The following RPGRIP1L variants were observed in gnomAD, a reference collection of about 807,000 sequenced individuals.
The protein encoded by RPGRIP1L is RPGRIP1 like, also known as protein fantom.
A neutral mutation model predicts 160.4 loss-of-function variants in RPGRIP1L; 131 were observed. That is an observed-to-expected ratio of 0.82 (90% CI 0.71 to 0.94). RPGRIP1L has a LOEUF of 0.94. Ranked by LOEUF, RPGRIP1L falls within the 40% of genes least tolerant of loss-of-function variation. The pLI is 0.00. For synonymous variants in RPGRIP1L, 510 were observed against 515.8 expected, an observed-to-expected ratio of 0.99 and a Z score of 0.15; for missense variants, 1,522 against 1,535.8, an observed-to-expected ratio of 0.99 and a Z score of 0.15.
At chr16:53,657,749 A>G in intron 12 of RPGRIP1L, 117 bp from the exon 13 acceptor site, 3 of 652,208 alleles carry the variant, frequency 4.6e-6, no homozygotes, top group Non-Finnish European at 7.8e-6. Context: ...AATTTCATTA[A>G]TTGAAAACAG....
chr16:53,699,652 A>G (rs902575108), intron 2 of RPGRIP1L, among the ~76,000 whole-genome samples: 6 of 152,074 alleles, frequency 3.9e-5, no homozygotes, highest in African/African-American at 1.4e-4. Context: ...CTAACAATAA[A>G]ATCTGTGTAG....
intron 4 of RPGRIP1L, among the ~76,000 whole-genome samples, chr16:53,691,047 A>G (rs1177141264): frequency 6.6e-6 from 1 of 151,430 alleles, no homozygotes; most frequent in Non-Finnish European, 1.5e-5. Flanking sequence ...TAGTGCTAAC[A>G]TTTTGGCTTC....
At chr16:53,626,215 A>C (rs1598266650) in intron 22 of RPGRIP1L, among the ~76,000 whole-genome samples, 1 of 152,146 alleles carries the variant, frequency 6.6e-6, no homozygotes, top group South Asian at 2.1e-4. Context: ...GATGTCCTAA[A>C]TAATATACTG....
chr16:53,611,948 A>G (rs910614877), intron 24 of RPGRIP1L, among the ~76,000 whole-genome samples: 2 of 152,228 alleles, frequency 1.3e-5, no homozygotes, highest in Admixed American at 1.3e-4. Context: ...AATGGGTGAA[A>G]GATATCACGA....
chr16:53,665,051 G>A, intron 9 of RPGRIP1L, 42 bp from the exon 10 acceptor site: 4 of 1,611,284 alleles, frequency 2.5e-6, no homozygotes, highest in Non-Finnish European at 3.4e-6. Context: ...TTGGAAATCA[G>A]CTTCAACCGA....
chr16:53,643,221 T>C (rs994510126), intron 17 of RPGRIP1L, among the ~76,000 whole-genome samples: 37 of 151,112 alleles, frequency 2.4e-4, no homozygotes, highest in African/African-American at 9.0e-4. Flanking sequence ...GGCAGGAGAA[T>C]TGCTAGAACG....
intron 22 of RPGRIP1L, among the ~76,000 whole-genome samples, chr16:53,631,113 C>T (rs1029977649): frequency 1.3e-5 from 2 of 152,132 alleles, no homozygotes; most frequent in African/African-American, 2.4e-5. Context: ...TTATTTTATC[C>T]ACTGATAAGA....
intron 9 of RPGRIP1L, 106 bp from the exon 10 acceptor site, chr16:53,665,115 T>C (rs901895910): frequency 7.3e-7 from 1 of 1,378,938 alleles, no homozygotes; most frequent in Non-Finnish European, 1.0e-6. Flanking sequence ...CATCATGTCT[T>C]AGGAATTAAG....
At position 53,641,366 on chromosome 16, in the gene RPGRIP1L, G is replaced by C; in HGVS notation, c.2793C>G (p.Asp931Glu). Residue 931 changes from aspartate to glutamate, a missense_variant, in exon 18 of 27, where the codon GAC (aspartate) becomes GAG (glutamate). Asp to Glu is a conservative substitution (Grantham distance 45). Coordinates refer to ENST00000647211, the MANE Select transcript of RPGRIP1L (RefSeq NM_015272.5). Reference sequence around the variant, plus strand: ...CTTCGCTGCGAATGAAATTTCCTAAGTCTTCAGTTGTTATTGATCCACTTG... The same window carrying C: ...CTTCGCTGCGAATGAAATTTCCTAACTCTTCAGTTGTTATTGATCCACTTG... ...LPPSGSITTE[D>E]LGNFIRSEEP... 1 of 1,614,040 alleles carries C rather than the reference G, an allele frequency of 6.2e-7. No homozygotes were observed.
intron 1 of RPGRIP1L, chr16:53,701,950 A>C (rs1971430579): frequency 2.0e-5 from 3 of 152,196 alleles, no homozygotes. Flanking sequence ...TTGGGAGATC[A>C]TCTACTTCTT....
chr16:53,604,534 A>G (rs1404689801), intron 26 of RPGRIP1L, among the ~76,000 whole-genome samples: 1 of 152,258 alleles, frequency 6.6e-6, no homozygotes, highest in Non-Finnish European at 1.5e-5. Context: ...ACAATTTAGC[A>G]CGTTCTAAAT....
At chr16:53,695,818 T>TA (rs1970711609) in intron 3 of RPGRIP1L, 1 of 321,150 alleles carries the variant, frequency 3.1e-6, no homozygotes, top group African/African-American at 2.2e-5. Flanking sequence ...ACTTTCATTT[T>TA]AAAATCAAGA....
At chr16:53,625,684 G>A (rs550121975) in intron 22 of RPGRIP1L, among the ~76,000 whole-genome samples, 2 of 152,274 alleles carry the variant, frequency 1.3e-5, no homozygotes, top group African/African-American at 4.8e-5. Context: ...TGAGGATGGC[G>A]GTTTTGTCGA....
chr16:53,643,699 C>G (rs773244487), intron 17 of RPGRIP1L, among the ~76,000 whole-genome samples: 3 of 152,184 alleles, frequency 2.0e-5, no homozygotes, highest in African/African-American at 7.2e-5. Context: ...TGGCTATACA[C>G]AGCAGAGGAA....
intron 16 of RPGRIP1L, among the ~76,000 whole-genome samples, chr16:53,648,103 C>CAAAAA (rs781122239): frequency 1.0e-4 from 4 of 39,122 alleles, no homozygotes; most frequent in Admixed American, 2.6e-4. Context: ...GACTCCGTCT[C>CAAAAA]AAAAAAAAAA....
chr16:53,625,213 G>C (rs980447038), intron 22 of RPGRIP1L, among the ~76,000 whole-genome samples: 1 of 151,654 alleles, frequency 6.6e-6, no homozygotes, highest in Non-Finnish European at 1.5e-5. Flanking sequence ...GAGCGTCTCT[G>C]CCTGGCCACC....
rs2151352773 is a variant in RPGRIP1L, at chr16:53,692,216, C to T, written c.379G>A (p.Glu127Lys). The T allele has an allele frequency of 1.9e-6, 3 of 1,614,088 alleles. No homozygotes were observed. The highest frequency in any genetic ancestry group is 2.5e-6 in the Non-Finnish European group (3 of 1,180,030). ...EKVHELEKQN[E>K]TLKNRLISAK... ...GAAATCAGTCTGTTTTTGAGGGTTT[C>T]ATTTTGTTTTTCAAGCTCATGAACT... Residue 127 changes from glutamate to lysine, a missense_variant, in exon 4 of 27, where the codon GAA becomes AAA. Glu to Lys is a moderately conservative substitution (Grantham distance 56). Coordinates refer to ENST00000647211, the MANE Select transcript of RPGRIP1L (RefSeq NM_015272.5).
In RPGRIP1L at chr16:53,643,340, A is replaced by G. The variant is rs1369618280; in HGVS notation, c.2684-1865T>C. Among the ~76,000 whole-genome samples, 4 of 150,852 alleles carry G rather than the reference A, an allele frequency of 2.7e-5. No individual in the cohort carries two copies. In the East Asian group the frequency reaches 8.6e-4, roughly 32 times the overall value. On this transcript the variant is annotated intron_variant, in intron 17 of 26. Coordinates refer to ENST00000647211, the MANE Select transcript of RPGRIP1L (RefSeq NM_015272.5). ...AAAAAAAAAAGAAGTGGGCCTTGAC[A>G]AGAGCCTATTTATAGCTCATGATGT...
chr16:53,673,165 T>C, intron 7 of RPGRIP1L, 149 bp from the exon 8 acceptor site: 1 of 758,190 alleles, frequency 1.3e-6, no homozygotes, highest in South Asian at 1.7e-5. Context: ...TAACAAATGA[T>C]GTATACGTGC....
Sources: allele counts gnomAD v4.1 joint callset (sites outside exome capture counted in the v4.1 genomes callset), GRCh38; gene constraint gnomAD v4.1.1; transcripts MANE v1.5; gene names NCBI Gene and HGNC (gene_info 2026-07-23, HGNC 2026-07-21).